CNTN5: variants seen among roughly 807,000 people sequenced by gnomAD.
The protein encoded by CNTN5 is contactin 5, also known as contactin-5.
A neutral mutation model predicts 129.1 loss-of-function variants in CNTN5; 77 were observed. The observed-to-expected ratio is 0.60, with a 90% CI of 0.50 to 0.72. The LOEUF (loss-of-function observed/expected upper bound fraction) is 0.72, where lower values mean the gene tolerates loss of function less well. Among genes scored for constraint, CNTN5 ranks in the 30% least tolerant of loss-of-function variants. The pLI, the probability that CNTN5 is intolerant of heterozygous loss-of-function variation, is 0.00. For synonymous variants in CNTN5, 509 were observed against 465.6 expected (o/e 1.09, Z -1.20); for missense variants, 1,478 against 1,328.8 (o/e 1.11, Z -1.75).
chr11:99,414,008 A>T (rs1942521763), intron 2 of CNTN5, among the ~76,000 whole-genome samples: 1 of 152,368 alleles, frequency 6.6e-6, no homozygotes, highest in Non-Finnish European at 1.5e-5. Flanking sequence ...AATACAGATA[A>T]CTAGATATTC....
chr11:99,630,783 A>G (rs1951318397), intron 3 of CNTN5, among the ~76,000 whole-genome samples: 1 of 152,130 alleles, frequency 6.6e-6, no homozygotes, highest in Admixed American at 6.6e-5. Flanking sequence ...ATTATTTACC[A>G]TGTCAAAGAT....
chr11:99,441,582 A>G (rs764110139), intron 2 of CNTN5, among the ~76,000 whole-genome samples: 66 of 152,282 alleles, frequency 4.3e-4, no homozygotes, highest in Admixed American at 1.0e-3. Context: ...TCAAACTAGC[A>G]TCTCCTTCTT....
In CNTN5 at chr11:99,968,656, CTTTTTTTTTTT is replaced by C. The variant is rs71050037; in HGVS notation, c.877+11667_877+11677del. Among the ~76,000 whole-genome samples the C allele has an allele frequency of 8.2e-3, 607 of 73,948 alleles. 6 individuals carry two copies. Among genetic ancestry groups the C allele is most frequent in the Middle Eastern group, 0.044 (4 of 90 alleles). The allele number at this position is 73,948 out of a possible 152,430, so 48.5% of individuals were successfully genotyped here. A position where few individuals can be genotyped will look rare whatever the true frequency, so the allele number is the denominator to read the frequency against. On this transcript the variant is annotated intron_variant, in intron 8 of 24. Transcript: ENST00000524871. ...ATGGTAATTGGAATAGCTTTGGGTA[CTTTTTTTTTTT>C]TTTTTTTTTTTTTTTTTTTGTATTT... is the stretch of plus-strand genomic sequence containing the variant.
intron 3 of CNTN5, among the ~76,000 whole-genome samples, chr11:99,737,960 G>T (rs1016888121): frequency 6.6e-6 from 1 of 152,164 alleles, no homozygotes; most frequent in African/African-American, 2.4e-5. Flanking sequence ...TGCATCCTTA[G>T]TGAAATATAT....
intron 1 of CNTN5, among the ~76,000 whole-genome samples, chr11:99,177,499 G>A (rs2135555317): frequency 6.6e-6 from 1 of 152,284 alleles, no homozygotes; most frequent in East Asian, 1.9e-4. Context: ...GGATCTGTTT[G>A]TTTTCATGAA....
chr11:99,718,978 A>G (rs977300369), intron 3 of CNTN5, among the ~76,000 whole-genome samples: 2 of 152,144 alleles, frequency 1.3e-5, no homozygotes, highest in African/African-American at 2.4e-5. Context: ...AAGATAAAGA[A>G]AAAATGATAG....
chr11:99,635,663 T>C (rs1240075213), intron 3 of CNTN5, among the ~76,000 whole-genome samples: 1 of 152,074 alleles, frequency 6.6e-6, no homozygotes, highest in Non-Finnish European at 1.5e-5. Context: ...GCTATGTGTA[T>C]AGGTGTGAAA....
At chr11:100,347,921 C>G (rs899715186) in intron 23 of CNTN5, among the ~76,000 whole-genome samples, 4 of 152,004 alleles carry the variant, frequency 2.6e-5, no homozygotes, top group Non-Finnish European at 5.9e-5. Context: ...ATTTTTAGCA[C>G]ACTCTCCTCA....
At chr11:100,085,339 A>G (rs145232986) in intron 13 of CNTN5, among the ~76,000 whole-genome samples, 4 of 152,192 alleles carry the variant, frequency 2.6e-5, no homozygotes, top group African/African-American at 9.6e-5. Flanking sequence ...TTCAATTTAA[A>G]GTAATCAGCA....
intron 2 of CNTN5, among the ~76,000 whole-genome samples, chr11:99,493,742 G>A (rs1338783182): frequency 1.3e-5 from 2 of 152,148 alleles, no homozygotes; most frequent in Admixed American, 1.3e-4. Flanking sequence ...CTGAGCAAAT[G>A]TCATTTGAGC....
intron 1 of CNTN5, among the ~76,000 whole-genome samples, chr11:99,307,459 A>G (rs1864927198): frequency 6.6e-6 from 1 of 152,130 alleles, no homozygotes; most frequent in Admixed American, 6.5e-5. Context: ...AAAAATGCAT[A>G]TTTTCTCCTG....
chr11:99,414,413 C>G (rs529245762), intron 2 of CNTN5, among the ~76,000 whole-genome samples: 33 of 151,966 alleles, frequency 2.2e-4, no homozygotes, highest in African/African-American at 7.5e-4. Context: ...CTTTTAAGCA[C>G]TATGACCTGG....
intron 1 of CNTN5, among the ~76,000 whole-genome samples, chr11:99,054,411 C>T (rs1328128949): frequency 2.0e-5 from 3 of 151,902 alleles, no homozygotes; most frequent in Admixed American, 1.3e-4. Flanking sequence ...ATTGGCCATT[C>T]GAAGCTGACT....
At chr11:99,375,474 G>A (rs1003885675) in intron 2 of CNTN5, among the ~76,000 whole-genome samples, 7 of 151,986 alleles carry the variant, frequency 4.6e-5, no homozygotes, top group Non-Finnish European at 1.0e-4. Flanking sequence ...TAGTATTGAG[G>A]AATGAAGCTT....
chr11:99,928,472 C>G (rs528807785), intron 7 of CNTN5, among the ~76,000 whole-genome samples: 2 of 152,232 alleles, frequency 1.3e-5, no homozygotes, highest in African/African-American at 4.8e-5. Flanking sequence ...ATTCTGAAAT[C>G]TAGCCAGAGG....
intron 13 of CNTN5, among the ~76,000 whole-genome samples, chr11:100,109,944 C>T (rs1012470192): frequency 1.3e-5 from 2 of 151,868 alleles, no homozygotes; most frequent in Admixed American, 1.3e-4. Flanking sequence ...TTTGAGAGGC[C>T]GAGATGAGTG....
intron 3 of CNTN5, among the ~76,000 whole-genome samples, chr11:99,802,021 T>G (rs1946129323): frequency 6.6e-6 from 1 of 152,240 alleles, no homozygotes; most frequent in Non-Finnish European, 1.5e-5. Flanking sequence ...ATTTGTAATT[T>G]GTGCATTAGG....
chr11:99,356,592 G>A (rs1938689474), intron 2 of CNTN5, among the ~76,000 whole-genome samples: 2 of 152,086 alleles, frequency 1.3e-5, no homozygotes, highest in African/African-American at 2.4e-5. Context: ...ACACTTAACT[G>A]GAAGAAGTCT....
At chr11:100,339,537 G>A (rs1013535282) in intron 21 of CNTN5, among the ~76,000 whole-genome samples, 3 of 152,072 alleles carry the variant, frequency 2.0e-5, no homozygotes, top group African/African-American at 4.8e-5. Flanking sequence ...TGGTAAAAAG[G>A]CATTATTCAG....
Sources: allele counts gnomAD v4.1 joint callset (sites outside exome capture counted in the v4.1 genomes callset), GRCh38; gene constraint gnomAD v4.1.1; transcripts MANE v1.5; gene names NCBI Gene and HGNC (gene_info 2026-07-23, HGNC 2026-07-21).